Variants in TRMT1 observed in about 807,000 individuals in gnomAD.
TRMT1 encodes tRNA (guanine(26)-N(2))-dimethyltransferase.
TRMT1 carries 63 observed loss-of-function variants against 75.4 expected under a neutral mutation model. The observed-to-expected ratio is 0.84, with a 90% CI of 0.68 to 1.03. The LOEUF (loss-of-function observed/expected upper bound fraction) is 1.03, where lower values mean the gene tolerates loss of function less well. TRMT1 is among the 50% of genes least tolerant of loss of function. The pLI is 0.00. For missense variants in TRMT1, 870 were observed against 905.3 expected, an observed-to-expected ratio of 0.96 and a Z score of 0.50; for synonymous variants, 382 against 358.1, an observed-to-expected ratio of 1.07 and a Z score of -0.75.
intron 5 of TRMT1, among the ~76,000 whole-genome samples, chr19:13,115,047 A>G (rs1267586288): frequency 6.6e-6 from 1 of 152,264 alleles, no homozygotes; most frequent in Non-Finnish European, 1.5e-5. Flanking sequence ...AAGTTAAAAC[A>G]GAGACCAGGA....
Position 13,109,919 on chromosome 19 carries a change from C to T in TRMT1, c.1102G>A (p.Gly368Ser), listed in dbSNP as rs201358628. The change falls in exon 9 of 17, where the codon GGC becomes AGC. Residue 368 changes from glycine (G) to serine (S), a missense_variant. Coordinates refer to ENST00000357720, the MANE Select transcript of TRMT1 (RefSeq NM_001136035.4). The part of the protein sequence containing the change: ...RLGKASGVPS[G>S]RAKFSAACGP... ...TTCTCCTTCCTCCCTGCTCACCGGCCGCTGGGGACTCCTGACGCTTTGCCG... is the reference window on the plus strand; with the variant it reads ...TTCTCCTTCCTCCCTGCTCACCGGCTGCTGGGGACTCCTGACGCTTTGCCG... 2.4e-4 allele frequency: 390 copies of T among 1,614,032 alleles called. No homozygotes were observed. Among genetic ancestry groups the T allele is most frequent in the Non-Finnish European group, 1.1e-4 (126 of 1,179,980 alleles).
Position 13,115,453 on chromosome 19 carries a change from A to C in TRMT1, c.467T>G (p.Val156Gly). ...GCCTGAAGCTGCCAGGCCTTCCAGC[A>C]CATGCAGGCCTTCCTGTTGGAGTAA... ...VGEICEEGLH[V>G]LEGLAASGLR... The change falls in exon 5 of 17, where the codon GTG becomes GGG. Residue 156 changes from valine (V) to glycine (G), a missense_variant. Physicochemically the swap from Val to Gly is moderately radical, Grantham distance 109. Coordinates refer to ENST00000357720, the MANE Select transcript of TRMT1 (RefSeq NM_001136035.4). 2 of 1,613,270 alleles carry C rather than the reference A, an allele frequency of 1.2e-6. No homozygotes were observed. Among genetic ancestry groups the C allele is most frequent in the Non-Finnish European group, 8.5e-7 (1 of 1,179,600 alleles).
intron 11 of TRMT1, 31 bp downstream of exon 11, chr19:13,109,519 G>T: frequency 6.2e-7 from 1 of 1,613,980 alleles, no homozygotes; most frequent in Middle Eastern, 1.7e-4. Context: ...CACAGGTGGA[G>T]CCCCCTTCCC....
At chr19:13,108,912 A>ATTTTT (rs74181811) in intron 12 of TRMT1, among the ~76,000 whole-genome samples, 1 of 126,100 alleles carries the variant, frequency 7.9e-6, no homozygotes, top group Non-Finnish European at 1.6e-5. Flanking sequence ...GCCTGGCCTA[A>ATTTTT]TTTTTTTTTT....
chr19:13,109,843 A>T lies in TRMT1; in HGVS notation c.1107-5T>A. On this transcript the variant is annotated splice_polypyrimidine_tract_variant and splice_region_variant and intron_variant, in intron 9 of 16. Coordinates refer to ENST00000357720, the MANE Select transcript of TRMT1 (RefSeq NM_001136035.4). ...CAGGCTGCAGAGAACTTGGCCCTAA[A>T]CAGAGAGGGGTGGTTGGTGGGGAGG... 6.2e-7 allele frequency: 1 copy of T among 1,614,090 alleles called. No individual in the cohort carries two copies. The highest frequency in any genetic ancestry group is 1.1e-5 in the South Asian group (1 of 91,082).
intron 7 of TRMT1, 27 bp from the exon 8 acceptor site, chr19:13,110,333 T>C (rs1318858283): frequency 1.3e-6 from 2 of 1,547,374 alleles, no homozygotes; most frequent in East Asian, 2.4e-5. Flanking sequence ...GGTGTCAGCC[T>C]CCCCTCCACT....
chr19:13,116,181 A>G lies in TRMT1; in HGVS notation c.219T>C (p.Phe73=), dbSNP rs1432807106. 1 of 1,614,018 alleles carries G rather than the reference A, an allele frequency of 6.2e-7. No homozygotes were observed. Among genetic ancestry groups the G allele is most frequent in the Non-Finnish European group, 8.5e-7 (1 of 1,180,040 alleles). Residue 73 remains phenylalanine (F), a synonymous_variant, in exon 2 of 17, where the codon TTT becomes TTC. Transcript: ENST00000357720. ...KIAFPSANEV[F]YNPVQEFNRD... ...GATTGAATTCCTGCACCGGGTTATA[A>G]AAGACCTCGTTGGCACTGGGAAAGG...
chr19:13,112,727 T>C lies in TRMT1; in HGVS notation c.848A>G (p.Lys283Arg). 5 of 1,612,898 alleles carry C rather than the reference T, an allele frequency of 3.1e-6. No homozygotes were observed. Among genetic ancestry groups the C allele is most frequent in the Non-Finnish European group, 4.2e-6 (5 of 1,179,976 alleles). Residue 283 changes from lysine (K) to arginine (R), a missense_variant, in exon 7 of 17, where the codon AAG becomes AGG. Coordinates refer to ENST00000357720, the MANE Select transcript of TRMT1 (RefSeq NM_001136035.4). Reference sequence around the variant, plus strand: ...CACCATCTCGTGGCAGGCCCGGCTCTTGAGGGCCATGGCCCCGTACTTGCT... The same window carrying C: ...CACCATCTCGTGGCAGGCCCGGCTCCTGAGGGCCATGGCCCCGTACTTGCT... Reference protein sequence around the residue: ...CYSKYGAMALKSRACHEMALR... With the variant: ...CYSKYGAMALRSRACHEMALR...
chr19:13,110,456 G>T (rs189662195), intron 7 of TRMT1, 150 bp from the exon 8 acceptor site: 16 of 865,322 alleles, frequency 1.8e-5, no homozygotes, highest in Admixed American at 1.7e-4. Flanking sequence ...CCCTCAACAA[G>T]TGAGTATCCC....
chr19:13,109,345 C>A lies in TRMT1; in HGVS notation c.1397+36G>T. On this transcript the variant is annotated intron_variant, in intron 12 of 16. Transcript: ENST00000357720. ...GACTTGCCCCAGGCCACCCTGTGGT[C>A]TGGGACAGGCTCCTCCCGACCCCAG... 3 of 1,611,120 alleles carry A rather than the reference C, an allele frequency of 1.9e-6. No individual in the cohort carries two copies. In the South Asian group the frequency reaches 3.3e-5, roughly 18 times the overall value.
intron 5 of TRMT1, among the ~76,000 whole-genome samples, chr19:13,114,250 A>G (rs1468428504): frequency 2.6e-5 from 4 of 152,214 alleles, no homozygotes; most frequent in African/African-American, 9.6e-5. Flanking sequence ...GGCCGGGCGC[A>G]GTGGCTCACG....
intron 5 of TRMT1, among the ~76,000 whole-genome samples, chr19:13,113,365 T>C (rs1463485036): frequency 6.6e-6 from 1 of 152,062 alleles, no homozygotes; most frequent in Non-Finnish European, 1.5e-5. Context: ...GGTTTCAACA[T>C]GTTGGCCAGG....
intron 7 of TRMT1, among the ~76,000 whole-genome samples, chr19:13,111,920 C>A (rs1362343688): frequency 6.7e-6 from 1 of 148,302 alleles, no homozygotes; most frequent in Non-Finnish European, 1.5e-5. Flanking sequence ...AGGATGGTCT[C>A]AATCTCCTGA....
intron 12 of TRMT1, among the ~76,000 whole-genome samples, chr19:13,108,883 T>TATAGGCATGAGCC (rs1217615917): frequency 1.2e-4 from 18 of 151,740 alleles, no homozygotes; most frequent in African/African-American, 4.4e-4. Context: ...GTGCTGGGAA[T>TATAGGCATGAGCC]ATAGGCATGA....
intron 5 of TRMT1, among the ~76,000 whole-genome samples, chr19:13,114,236 G>A (rs1037102290): frequency 1.3e-5 from 2 of 152,098 alleles, no homozygotes; most frequent in African/African-American, 4.8e-5. Flanking sequence ...GATAAACTAG[G>A]CTAGGCCGGG....
intron 4 of TRMT1, 55 bp from the exon 5 acceptor site, chr19:13,115,521 GC>G: frequency 1.3e-6 from 2 of 1,597,344 alleles, no homozygotes; most frequent in South Asian, 2.2e-5. Flanking sequence ...CCTCTTCTGG[GC>G]CCCAAGGAGC....
chr19:13,109,533 C>A lies in TRMT1; in HGVS notation c.1311+17G>T. On this transcript the variant is annotated intron_variant, in intron 11 of 16. Coordinates refer to ENST00000357720, the MANE Select transcript of TRMT1 (RefSeq NM_001136035.4). ...GCACAGGTGGAGCCCCCTTCCCCGTCACAGCCCGGCTCTCACCTCAGTGAT... is the reference window on the plus strand; with the variant it reads ...GCACAGGTGGAGCCCCCTTCCCCGTAACAGCCCGGCTCTCACCTCAGTGAT... The A allele has an allele frequency of 6.2e-7, 1 of 1,613,974 alleles. No homozygotes were observed.
intron 5 of TRMT1, 31 bp downstream of exon 5, chr19:13,115,248 C>T (rs764875238): frequency 1.3e-6 from 2 of 1,579,716 alleles, no homozygotes; most frequent in Admixed American, 3.5e-5. Context: ...CAGGCTTGTC[C>T]CAGAGCTAGG....
Position 13,105,582 on chromosome 19 carries a change from C to T in TRMT1, c.1608G>A (p.Arg536=). 6.2e-7 allele frequency: 1 copy of T among 1,613,720 alleles called. No homozygotes were observed. The highest frequency in any genetic ancestry group is 2.2e-5 in the East Asian group (1 of 44,866). ...GTCGGGAGCTGGGGTTGGCATCTTC[C>T]CGGATGGTGAAGTTGGCCTGCAGCC... The part of the protein sequence containing the change: ...EPRLQANFTI[R]EDANPSSRQR... The change falls in exon 15 of 17, where the codon CGG becomes CGA. Residue 536 remains arginine (R), a synonymous_variant. Coordinates refer to ENST00000357720, the MANE Select transcript of TRMT1 (RefSeq NM_001136035.4).
Sources: allele counts gnomAD v4.1 joint callset (sites outside exome capture counted in the v4.1 genomes callset), GRCh38; gene constraint gnomAD v4.1.1; transcripts MANE v1.5; gene names NCBI Gene and HGNC (gene_info 2026-07-23, HGNC 2026-07-21).